Variants in FSTL4 observed in about 807,000 individuals in gnomAD.
The protein encoded by FSTL4 is follistatin like 4, also known as follistatin-related protein 4.
FSTL4 carries 28 observed loss-of-function variants against 78.2 expected under a neutral mutation model. The observed-to-expected ratio is 0.36, with a 90% CI of 0.27 to 0.49. The LOEUF (loss-of-function observed/expected upper bound fraction) is 0.49, where lower values mean the gene tolerates loss of function less well. Among genes scored for constraint, FSTL4 ranks in the 20% least tolerant of loss-of-function variants. The pLI is 0.98. For missense variants in FSTL4, 922 were observed against 1,084.9 expected, an observed-to-expected ratio of 0.85 and a Z score of 2.11; for synonymous variants, 422 against 440.5, an observed-to-expected ratio of 0.96 and a Z score of 0.53.
At chr5:133,813,778 C>T in the FSTL4 span, among the ~76,000 whole-genome samples, 1 of 152,190 alleles carries the variant, frequency 6.6e-6, no homozygotes, top group South Asian at 2.1e-4. Context: ...CATGGCATTG[C>T]TACCATCAGG....
At chr5:133,301,336 G>A (rs986942818) in intron 6 of FSTL4, among the ~76,000 whole-genome samples, 3 of 152,192 alleles carry the variant, frequency 2.0e-5, no homozygotes, top group African/African-American at 7.2e-5. Flanking sequence ...TTTGGAACTC[G>A]GAGGTCAGGA....
chr5:133,321,890 T>C (rs1754066019), intron 4 of FSTL4, among the ~76,000 whole-genome samples: 1 of 152,234 alleles, frequency 6.6e-6, no homozygotes. Context: ...ACCTGCTTCA[T>C]GAGTGGGCAG....
intron 3 of FSTL4, among the ~76,000 whole-genome samples, chr5:133,498,311 T>C (rs1349840642): frequency 6.6e-6 from 1 of 152,250 alleles, no homozygotes; most frequent in East Asian, 1.9e-4. Context: ...TTATTCATGG[T>C]CTTGCTTACT....
the FSTL4 span, among the ~76,000 whole-genome samples, chr5:133,644,314 G>GC: frequency 1.3e-5 from 2 of 149,266 alleles, no homozygotes; most frequent in Non-Finnish European, 3.0e-5. Flanking sequence ...TTTTGTGTGT[G>GC]TTTTTTTTTT....
the FSTL4 span, among the ~76,000 whole-genome samples, chr5:133,729,022 T>C: frequency 2.0e-5 from 3 of 152,102 alleles, no homozygotes; most frequent in East Asian, 5.8e-4. Flanking sequence ...AAAACTGCAT[T>C]CTACATTCCA....
chr5:133,656,585 G>A, the FSTL4 span, among the ~76,000 whole-genome samples: 29,635 of 151,968 alleles, frequency 0.2, 2,992 homozygotes, highest in Middle Eastern at 0.41. Context: ...GACATCACAC[G>A]TCAAGTCTCA....
chr5:133,240,513 A>G (rs1270189259), intron 7 of FSTL4, among the ~76,000 whole-genome samples: 6 of 152,008 alleles, frequency 3.9e-5, no homozygotes, highest in Non-Finnish European at 7.4e-5. Context: ...TGGAAGAGGG[A>G]GTTGGAGGCA....
chr5:133,650,125 A>G, the FSTL4 span, among the ~76,000 whole-genome samples: 2 of 152,102 alleles, frequency 1.3e-5, no homozygotes, highest in Non-Finnish European at 1.5e-5. Context: ...TCTTTCTACC[A>G]GTCAGCTTTC....
chr5:133,829,819 CTCTGGGGT>C, the FSTL4 span, among the ~76,000 whole-genome samples: 3 of 152,208 alleles, frequency 2.0e-5, no homozygotes, highest in Non-Finnish European at 4.4e-5. Context: ...GAGACAAGGT[CTCTGGGGT>C]TTGCTCCAGG....
At chr5:133,224,479 G>A (rs1163475905) in intron 10 of FSTL4, 3 of 334,326 alleles carry the variant, frequency 9.0e-6, no homozygotes, top group South Asian at 1.8e-4. Context: ...AGAAGCTAAT[G>A]GAATTTCTCA....
At chr5:133,650,483 T>C in the FSTL4 span, among the ~76,000 whole-genome samples, 1 of 152,186 alleles carries the variant, frequency 6.6e-6, no homozygotes, top group Non-Finnish European at 1.5e-5. Context: ...TTGTGAAGAG[T>C]GAAAAGTCTA....
chr5:133,633,205 C>A, the FSTL4 span, among the ~76,000 whole-genome samples: 3 of 152,102 alleles, frequency 2.0e-5, no homozygotes, highest in East Asian at 5.8e-4. Context: ...AAGTTTTCAA[C>A]CATTATTTCT....
At chr5:133,726,510 G>T in the FSTL4 span, among the ~76,000 whole-genome samples, 2 of 152,194 alleles carry the variant, frequency 1.3e-5, no homozygotes, top group African/African-American at 4.8e-5. Flanking sequence ...AGATGTTACT[G>T]CTACTGAAAT....
rs1423237619 is a variant in FSTL4 at position 133,316,609 on chromosome 5, G to A, written c.453C>T (p.Val151=). The change falls in exon 5 of 16, where the codon GTC becomes GTT. Residue 151 remains valine, a synonymous_variant. Transcript: ENST00000265342. The part of the protein sequence containing the change: ...TMAGYARLKN[V]LLALQTRLQP... The stretch of plus-strand genomic sequence containing the variant: ...GCAGACGGGTCTGGAGTGCCAGAAG[G>A]ACATTCTTCAAGCGGGCGTAGCCGG... 1.2e-6 allele frequency: 2 copies of A among 1,613,936 alleles called. No individual in the cohort carries two copies. Among genetic ancestry groups the A allele is most frequent in the East Asian group, 4.5e-5 (2 of 44,886 alleles).
chr5:133,241,982 C>T (rs1238732375), intron 7 of FSTL4, among the ~76,000 whole-genome samples: 1 of 152,212 alleles, frequency 6.6e-6, no homozygotes, highest in Non-Finnish European at 1.5e-5. Flanking sequence ...CCTCCTGACA[C>T]TGTGTTCAAA....
At chr5:133,747,921 G>A in the FSTL4 span, among the ~76,000 whole-genome samples, 2 of 152,194 alleles carry the variant, frequency 1.3e-5, no homozygotes, top group South Asian at 2.1e-4. Flanking sequence ...CCCAGGCTGG[G>A]AACAGTGGCT....
chr5:133,231,702 A>G (rs7708116), intron 8 of FSTL4, among the ~76,000 whole-genome samples: 31,849 of 151,836 alleles, frequency 0.21, 3,937 homozygotes, highest in African/African-American at 0.36. Flanking sequence ...GCCACCACAC[A>G]TGGCTAATTT....
the FSTL4 span, among the ~76,000 whole-genome samples, chr5:133,792,341 C>T: frequency 1.4e-3 from 209 of 152,320 alleles, no homozygotes; most frequent in African/African-American, 4.9e-3. Flanking sequence ...AGGCACCACA[C>T]TCCACTGGTT....
At chr5:133,297,717 G>A (rs1332480121) in intron 6 of FSTL4, among the ~76,000 whole-genome samples, 1 of 152,194 alleles carries the variant, frequency 6.6e-6, no homozygotes, top group African/African-American at 2.4e-5. Flanking sequence ...GAAATCTAGA[G>A]TGGGCATATG....
Sources: allele counts gnomAD v4.1 joint callset (sites outside exome capture counted in the v4.1 genomes callset), GRCh38; gene constraint gnomAD v4.1.1; transcripts MANE v1.5; gene names NCBI Gene and HGNC (gene_info 2026-07-23, HGNC 2026-07-21).